The following ENTREP1 variants were observed in gnomAD, a reference collection of about 807,000 sequenced individuals.
The protein encoded by ENTREP1 is Friedreich ataxia region gene X123.
the ENTREP1 span, chr9:69,386,551 C>G: frequency 6.6e-6 from 1 of 152,130 alleles, no homozygotes; most frequent in Non-Finnish European, 1.5e-5. Flanking sequence ...AATATCTCTT[C>G]ATTGTAGAAA....
At chr9:69,340,723 ATG>A in the ENTREP1 span, among the ~76,000 whole-genome samples, 16,812 of 50,346 alleles carry the variant, frequency 0.33, 1,969 homozygotes, top group East Asian at 0.38. Context: ...GTGTGCATGC[ATG>A]TGTGTGTGTA....
At chr9:69,367,479 A>G in the ENTREP1 span, among the ~76,000 whole-genome samples, 1 of 150,686 alleles carries the variant, frequency 6.6e-6, no homozygotes, top group African/African-American at 2.4e-5. Context: ...AATTTTTCCA[A>G]TCCATGAACA....
chr9:69,377,518 G>A, the ENTREP1 span: 13 of 1,608,528 alleles, frequency 8.1e-6, no homozygotes, highest in Non-Finnish European at 1.1e-5. Context: ...TTTCCGCTGA[G>A]CCAGCCCATG....
At chr9:69,388,408 G>A in the ENTREP1 span, 1 of 1,611,194 alleles carries the variant, frequency 6.2e-7, no homozygotes, top group African/African-American at 1.3e-5. Context: ...CTGATGAGGA[G>A]CACATGGAGG....
the ENTREP1 span, among the ~76,000 whole-genome samples, chr9:69,370,310 A>G: frequency 9.2e-5 from 14 of 152,220 alleles, no homozygotes; most frequent in Admixed American, 7.2e-4. Flanking sequence ...TGTGTAATAG[A>G]AGCCCATGTG....
the ENTREP1 span, among the ~76,000 whole-genome samples, chr9:69,343,621 T>A: frequency 1.3e-5 from 2 of 152,212 alleles, no homozygotes; most frequent in African/African-American, 4.8e-5. Flanking sequence ...ATATCGCTAG[T>A]CACTAGGGAA....
chr9:69,367,740 TAC>T, the ENTREP1 span, among the ~76,000 whole-genome samples: 32,880 of 108,732 alleles, frequency 0.3, 6,377 homozygotes, highest in South Asian at 0.41. Context: ...AATATATATA[TAC>T]ACATATATAA....
At chr9:69,354,878 C>A in the ENTREP1 span, among the ~76,000 whole-genome samples, 2 of 152,130 alleles carry the variant, frequency 1.3e-5, no homozygotes, top group African/African-American at 2.4e-5. Context: ...CAATTACAAT[C>A]AGGAGTCTTT....
At chr9:69,342,805 A>C in the ENTREP1 span, among the ~76,000 whole-genome samples, 1 of 152,248 alleles carries the variant, frequency 6.6e-6, no homozygotes, top group African/African-American at 2.4e-5. Context: ...GGTATTGTGA[A>C]GGCAGCTTAG....
the ENTREP1 span, among the ~76,000 whole-genome samples, chr9:69,376,521 C>T: frequency 6.6e-6 from 1 of 152,202 alleles, no homozygotes; most frequent in Non-Finnish European, 1.5e-5. Flanking sequence ...CAGTGAGTGA[C>T]AAAATCAACT....
At chr9:69,358,364 A>G in the ENTREP1 span, among the ~76,000 whole-genome samples, 1 of 152,222 alleles carries the variant, frequency 6.6e-6, no homozygotes, top group Non-Finnish European at 1.5e-5. Context: ...ATACCTGTAT[A>G]TAGCACTTAT....
the ENTREP1 span, chr9:69,325,733 G>GGAA: frequency 8.2e-7 from 1 of 1,213,028 alleles, no homozygotes; most frequent in Non-Finnish European, 1.0e-6. Flanking sequence ...GGTGAGTACC[G>GGAA]CGCGCGCGCC....
the ENTREP1 span, chr9:69,380,080 G>C: frequency 6.6e-6 from 1 of 152,236 alleles, no homozygotes; most frequent in African/African-American, 2.4e-5. Flanking sequence ...GGCCGAAGGA[G>C]GGAGTTAAAG....
At chr9:69,383,868 CT>C in the ENTREP1 span, 1 of 1,576,520 alleles carries the variant, frequency 6.3e-7, no homozygotes, top group Non-Finnish European at 8.7e-7. Flanking sequence ...CCCCACACAT[CT>C]TTTTAAGGAG....
the ENTREP1 span, chr9:69,391,586 T>G: frequency 6.2e-7 from 1 of 1,611,916 alleles, no homozygotes; most frequent in Non-Finnish European, 8.5e-7. Context: ...TCCCCACCCC[T>G]CTCTTTTCCC....
the ENTREP1 span, among the ~76,000 whole-genome samples, chr9:69,340,769 G>GTA: frequency 2.9e-5 from 4 of 138,620 alleles, no homozygotes; most frequent in African/African-American, 8.6e-5. Context: ...GTGCATGTGT[G>GTA]TGTGTGTATG....
chr9:69,328,865 C>T, the ENTREP1 span, among the ~76,000 whole-genome samples: 1 of 152,126 alleles, frequency 6.6e-6, no homozygotes, highest in Non-Finnish European at 1.5e-5. Flanking sequence ...AGTAGTTACT[C>T]CTCATTCTCC....
At chr9:69,352,681 T>G in the ENTREP1 span, among the ~76,000 whole-genome samples, 1 of 151,948 alleles carries the variant, frequency 6.6e-6, no homozygotes, top group Non-Finnish European at 1.5e-5. Context: ...GTCTCTAGAG[T>G]CTTTCTTCTT....
chr9:69,344,933 C>G, the ENTREP1 span, among the ~76,000 whole-genome samples: 7 of 152,210 alleles, frequency 4.6e-5, no homozygotes, highest in Non-Finnish European at 7.4e-5. Flanking sequence ...TCTTAAATAG[C>G]CTGAGTTGGT....
Sources: allele counts gnomAD v4.1 joint callset (sites outside exome capture counted in the v4.1 genomes callset), GRCh38; gene constraint gnomAD v4.1.1; transcripts MANE v1.5; gene names NCBI Gene and HGNC (gene_info 2026-07-23, HGNC 2026-07-21).